The following SDK1 variants were observed in gnomAD, a reference collection of about 807,000 sequenced individuals.
The protein encoded by SDK1 is protein sidekick-1.
In SDK1, 157 loss-of-function variants were observed where a neutral mutation model predicts 245.5. The ratio of observed to expected loss-of-function variants is 0.64; its 90% confidence interval spans 0.56 to 0.73. The LOEUF (loss-of-function observed/expected upper bound fraction) is 0.73, where lower values mean the gene tolerates loss of function less well. SDK1 is among the 30% of genes least tolerant of loss of function. The pLI is 0.00. For missense variants in SDK1, 3,583 were observed against 3,002.3 expected (o/e 1.19, Z -4.52); for synonymous variants, 1,647 against 1,278.5 (o/e 1.29, Z -6.15).
chr7:4,147,692 A>G (rs1358793762), intron 29 of SDK1, among the ~76,000 whole-genome samples: 1 of 152,150 alleles, frequency 6.6e-6, no homozygotes, highest in Non-Finnish European at 1.5e-5. Flanking sequence ...TCTGCAATGT[A>G]AAGCACATGG....
At chr7:3,696,733 A>G (rs1280666324) in intron 4 of SDK1, among the ~76,000 whole-genome samples, 1 of 152,252 alleles carries the variant, frequency 6.6e-6, no homozygotes, top group African/African-American at 2.4e-5. Flanking sequence ...ATGAAATAAT[A>G]TATATTTAAT....
chr7:3,750,027 G>C (rs1433206603), intron 4 of SDK1, among the ~76,000 whole-genome samples: 1 of 152,172 alleles, frequency 6.6e-6, no homozygotes, highest in Non-Finnish European at 1.5e-5. Context: ...TGGTTAAAAC[G>C]TGTGTGTTAG....
At chr7:3,885,752 G>C in intron 5 of SDK1, among the ~76,000 whole-genome samples, 1 of 152,326 alleles carries the variant, frequency 6.6e-6, no homozygotes, top group Middle Eastern at 3.4e-3. Context: ...GCCATGCCAA[G>C]CTGCATTAGT....
chr7:4,039,481 A>T (rs1286525606), intron 17 of SDK1, among the ~76,000 whole-genome samples: 1 of 152,192 alleles, frequency 6.6e-6, no homozygotes, highest in Non-Finnish European at 1.5e-5. Context: ...TTTTGATTGC[A>T]TACATCCTCA....
intron 14 of SDK1, 116 bp from the exon 15 acceptor site, chr7:4,010,850 C>A: frequency 2.8e-6 from 3 of 1,058,052 alleles, no homozygotes; most frequent in Non-Finnish European, 4.2e-6. Flanking sequence ...TTTCCTTCTC[C>A]TAGAGCTGTC....
chr7:3,685,113 C>T (rs147437713), intron 4 of SDK1, among the ~76,000 whole-genome samples: 3,610 of 151,990 alleles, frequency 0.024, 59 homozygotes, highest in Middle Eastern at 0.054. Flanking sequence ...TGGTAAAAAG[C>T]CTAAACCTAT....
intron 4 of SDK1, among the ~76,000 whole-genome samples, chr7:3,715,066 T>C (rs1425413510): frequency 1.3e-5 from 2 of 152,196 alleles, no homozygotes; most frequent in Non-Finnish European, 2.9e-5. Context: ...GCTTCTCCAA[T>C]GATGGCTTAA....
At chr7:3,912,518 T>C (rs909764455) in intron 5 of SDK1, among the ~76,000 whole-genome samples, 2 of 152,162 alleles carry the variant, frequency 1.3e-5, no homozygotes, top group African/African-American at 4.8e-5. Context: ...GCTTTGATAT[T>C]TATCCGGGGA....
chr7:3,487,202 A>G (rs1310417644), intron 1 of SDK1, among the ~76,000 whole-genome samples: 1 of 152,238 alleles, frequency 6.6e-6, no homozygotes. Context: ...AAGCCTTATG[A>G]CACTCTGAAA....
intron 44 of SDK1, among the ~76,000 whole-genome samples, chr7:4,250,604 C>G (rs1248043907): frequency 6.6e-6 from 1 of 152,122 alleles, no homozygotes; most frequent in Non-Finnish European, 1.5e-5. Flanking sequence ...CTCGGCCTCC[C>G]AAAATGCTGG....
intron 4 of SDK1, among the ~76,000 whole-genome samples, chr7:3,679,496 G>C (rs558951188): frequency 1.6e-4 from 25 of 152,262 alleles, no homozygotes; most frequent in African/African-American, 5.8e-4. Context: ...GAACCCGGGA[G>C]GTGGAGCTTG....
At chr7:4,248,341 T>TACATGCACAC (rs556858918) in intron 44 of SDK1, among the ~76,000 whole-genome samples, 10 of 123,280 alleles carry the variant, frequency 8.1e-5, no homozygotes, top group South Asian at 5.3e-4. Flanking sequence ...TACACCTGAA[T>TACATGCACAC]ACATGCACAC....
In SDK1 at chr7:4,112,417, T is replaced by G. The variant is rs117285911; in HGVS notation, c.3435-872T>G. On this transcript the variant is annotated intron_variant, in intron 23 of 44. Transcript: ENST00000404826. ...AGCTTGCGTTTTCCTTGTAGCTTAG[T>G]GATTTGGGGTTCAAGATATTTTCCT... Among the ~76,000 whole-genome samples, 1,041 of 152,308 alleles carry G rather than the reference T, an allele frequency of 6.8e-3. 7 individuals are homozygous for G. Among genetic ancestry groups the G allele is most frequent in the Middle Eastern group, 0.01 (3 of 294 alleles).
chr7:3,645,739 C>G (rs182371696), intron 4 of SDK1, among the ~76,000 whole-genome samples: 3 of 152,110 alleles, frequency 2.0e-5, no homozygotes, highest in African/African-American at 4.8e-5. Context: ...ATTGGTAGCA[C>G]AAGTCAGATG....
At chr7:3,393,539 A>G (rs1003374294) in intron 1 of SDK1, among the ~76,000 whole-genome samples, 14 of 152,196 alleles carry the variant, frequency 9.2e-5, no homozygotes, top group African/African-American at 2.9e-4. Context: ...AACTCAAGGG[A>G]ATATCGGGAA....
intron 35 of SDK1, among the ~76,000 whole-genome samples, chr7:4,181,882 A>G (rs1252323779): frequency 6.6e-6 from 1 of 151,976 alleles, no homozygotes; most frequent in Non-Finnish European, 1.5e-5. Flanking sequence ...CAGCCCCTCC[A>G]GTTTAACTTG....
intron 4 of SDK1, among the ~76,000 whole-genome samples, chr7:3,712,438 G>A (rs1010932336): frequency 1.3e-5 from 2 of 152,136 alleles, no homozygotes; most frequent in Non-Finnish European, 2.9e-5. Flanking sequence ...GTTGTATAAC[G>A]ATTTCATTAT....
chr7:3,599,115 T>TA (rs1028064404), intron 1 of SDK1, among the ~76,000 whole-genome samples: 2 of 96,808 alleles, frequency 2.1e-5, no homozygotes, highest in African/African-American at 3.8e-5. Flanking sequence ...TTTTTTTTTT[T>TA]ACATCCTCAC....
rs187842291 is a variant in SDK1, at chr7:3,860,156, G to A, written c.847+38573G>A. Among the ~76,000 whole-genome samples the A allele has an allele frequency of 9.2e-5, 14 of 152,128 alleles. No homozygotes were observed. The East Asian group carries it at 2.5e-3, about 27-fold the overall frequency. ...AGGATGGTCTCACTCTCCTGACCTC[G>A]TGATCCGCCTGCCTCAGCCTCCCAG... On this transcript the variant is annotated intron_variant, in intron 5 of 44. Coordinates refer to ENST00000404826, the MANE Select transcript of SDK1 (RefSeq NM_152744.4).
Sources: allele counts gnomAD v4.1 joint callset (sites outside exome capture counted in the v4.1 genomes callset), GRCh38; gene constraint gnomAD v4.1.1; transcripts MANE v1.5; gene names NCBI Gene and HGNC (gene_info 2026-07-23, HGNC 2026-07-21).